Variants in MAPKAPK5 observed in about 807,000 individuals in gnomAD.
The protein encoded by MAPKAPK5 is MAPK activated protein kinase 5.
Under a neutral mutation model 65.1 loss-of-function variants are expected in MAPKAPK5, and 30 were observed. The ratio of observed to expected loss-of-function variants is 0.46; its 90% CI spans 0.34 to 0.63. MAPKAPK5 has a LOEUF of 0.63. MAPKAPK5 is among the 20% of genes least tolerant of loss of function. The probability of loss-of-function intolerance (pLI) is 0.01; values close to 1 mark genes in which losing one functional copy is unlikely to be tolerated. For missense variants in MAPKAPK5, 433 were observed against 581.4 expected, an observed-to-expected ratio of 0.74 and a Z score of 2.63; for synonymous variants, 179 against 204.6, an observed-to-expected ratio of 0.87 and a Z score of 1.07.
intron 1 of MAPKAPK5, 132 bp downstream of exon 1, chr12:111,842,901 G>C (rs2068764343): frequency 1.1e-6 from 1 of 912,554 alleles, no homozygotes; most frequent in South Asian, 5.5e-5. Flanking sequence ...CCCGGATTCC[G>C]TGGATCGCGC....
chr12:111,871,773 C>T (rs1049403720), intron 7 of MAPKAPK5, among the ~76,000 whole-genome samples: 1 of 152,218 alleles, frequency 6.6e-6, no homozygotes, highest in African/African-American at 2.4e-5. Context: ...CATATGGCGA[C>T]CACCACATTG....
At chr12:111,874,753 GC>G (rs34265356) in intron 7 of MAPKAPK5, among the ~76,000 whole-genome samples, 2 of 142,670 alleles carry the variant, frequency 1.4e-5, no homozygotes, top group South Asian at 2.2e-4. Flanking sequence ...GTGAGCCACT[GC>G]CCCCAGCCAT....
At chr12:111,871,251 A>G (rs2069773090) in intron 7 of MAPKAPK5, 71 bp downstream of exon 7, 10 of 1,265,788 alleles carry the variant, frequency 7.9e-6, no homozygotes, top group Admixed American at 5.4e-5. Flanking sequence ...CTTCTATTCT[A>G]CAGCACAAGT....
chr12:111,845,780 G>A (rs976653377), intron 1 of MAPKAPK5, among the ~76,000 whole-genome samples: 2 of 151,958 alleles, frequency 1.3e-5, no homozygotes, highest in African/African-American at 4.8e-5. Context: ...AAAATTAGCC[G>A]AGTGTGGTGG....
intron 8 of MAPKAPK5, among the ~76,000 whole-genome samples, chr12:111,882,184 T>C (rs2070257231): frequency 1.3e-5 from 2 of 152,042 alleles, no homozygotes; most frequent in African/African-American, 4.8e-5. Context: ...ATCGAGACCA[T>C]CCTGGCCACT....
chr12:111,893,690 C>T lies in MAPKAPK5; in HGVS notation c.*629C>T, dbSNP rs2070701789. On this transcript the variant is annotated 3_prime_UTR_variant, in exon 14 of 14. Coordinates refer to ENST00000550735, the MANE Select transcript of MAPKAPK5 (RefSeq NM_003668.4). ...GTACTGGTGTGTTTCTTAAATCTAA[C>T]AGGGTTTTCTTTTGGGTTTATTCTT... 1 of 150,992 alleles carries T rather than the reference C, an allele frequency of 6.6e-6. No individual in the cohort carries two copies. The highest frequency in any genetic ancestry group is 1.5e-5 in the Non-Finnish European group (1 of 67,898). 9.4% of individuals were successfully genotyped at this position (150,992 alleles called of 1,614,324 possible).
rs2071061472 is a variant in MAPKAPK5, at chr12:111,901,559, G to C, written c.*8498G>C. ...TAAAAAATCACCAGAGGCTGCCCCG[G>C]CAGAAGCTCCTCCAGCAGTGGCTCC... On this transcript the variant is annotated 3_prime_UTR_variant, in exon 14 of 14. Transcript: ENST00000550735. The C allele has an allele frequency of 3.0e-6, 1 of 334,960 alleles. No individual in the cohort carries two copies. The highest frequency in any genetic ancestry group is 5.9e-6 in the Non-Finnish European group (1 of 170,104). The allele number at this position is 334,960 out of a possible 1,614,324, so 20.7% of individuals were successfully genotyped here.
intron 7 of MAPKAPK5, chr12:111,880,070 A>G (rs11066059): frequency 0.011 from 2,996 of 270,020 alleles, 87 homozygotes; most frequent in African/African-American, 0.058. Context: ...CTAGACTGAC[A>G]TGACTGTCAT....
chr12:111,842,884 G>T (rs1384293975), intron 1 of MAPKAPK5, 115 bp downstream of exon 1: 16 of 1,048,038 alleles, frequency 1.5e-5, no homozygotes, highest in Non-Finnish European at 2.0e-5. Flanking sequence ...ACCGGGTTTC[G>T]GCCTCCCCCG....
intron 1 of MAPKAPK5, among the ~76,000 whole-genome samples, chr12:111,852,258 C>G (rs78792664): frequency 0.015 from 2,353 of 152,192 alleles, 72 homozygotes; most frequent in African/African-American, 0.054. Context: ...TGTAATGTTA[C>G]ACCAGATGTG....
At chr12:111,849,432 TTTTA>T (rs1285187606) in intron 1 of MAPKAPK5, among the ~76,000 whole-genome samples, 2 of 152,078 alleles carry the variant, frequency 1.3e-5, no homozygotes. Flanking sequence ...ATTTTTGTAT[TTTTA>T]GTAGAGACTA....
At chr12:111,861,234 AG>A (rs1248551315) in intron 1 of MAPKAPK5, among the ~76,000 whole-genome samples, 3 of 152,160 alleles carry the variant, frequency 2.0e-5, no homozygotes, top group Admixed American at 1.3e-4. Flanking sequence ...CTAGAGATAA[AG>A]GTAAGAATAG....
chr12:111,853,420 T>C (rs2069145969), intron 1 of MAPKAPK5, among the ~76,000 whole-genome samples: 1 of 152,146 alleles, frequency 6.6e-6, no homozygotes, highest in South Asian at 2.1e-4. Flanking sequence ...TTTGGATTGT[T>C]TGTCACTAGT....
rs1486016969 is a variant in MAPKAPK5, at chr12:111,871,177, C to G, written c.576C>G (p.Pro192=). Residue 192 remains proline (P), a synonymous_variant, in exon 7 of 14, where the codon CCC becomes CCG. Coordinates refer to ENST00000550735, the MANE Select transcript of MAPKAPK5 (RefSeq NM_003668.4). ...AGTTCACCCCTTATTATGTAGCACC[C>G]CAGGTAAGCATGTGCGGTTTCTGTC... is the stretch of plus-strand genomic sequence containing the variant. ...TPQFTPYYVA[P]QVLEAQRRHQ... is the part of the protein sequence containing the mutation. 1 of 1,613,100 alleles carries G rather than the reference C, an allele frequency of 6.2e-7. No homozygotes were observed. The highest frequency in any genetic ancestry group is 1.7e-5 in the Admixed American group (1 of 59,912).
intron 7 of MAPKAPK5, 34 bp downstream of exon 7, chr12:111,871,214 C>A: frequency 6.4e-7 from 1 of 1,555,328 alleles, no homozygotes; most frequent in Non-Finnish European, 8.9e-7. Flanking sequence ...TAAGATCTGT[C>A]ACCAAGCTGC....
chr12:111,883,688 A>G lies in MAPKAPK5; in HGVS notation c.768A>G (p.Arg256=), dbSNP rs1276454895. ...GGACTATCCCAAAGGATATGCGAAG[A>G]AAGATCATGACAGGCAGTTTTGAGT... ...HSRTIPKDMR[R]KIMTGSFEFP... is the part of the protein sequence containing the mutation. The change falls in exon 9 of 14, where the codon AGA becomes AGG. Residue 256 remains arginine, a synonymous_variant. Coordinates refer to ENST00000550735, the MANE Select transcript of MAPKAPK5 (RefSeq NM_003668.4). The surrounding 1 kb of genome is among the most constrained non-coding windows in gnomAD (Gnocchi z 4.8). 2 of 1,614,006 alleles carry G rather than the reference A, an allele frequency of 1.2e-6. No homozygotes were observed. Among genetic ancestry groups the G allele is most frequent in the Admixed American group, 3.3e-5 (2 of 60,032 alleles).
chr12:111,881,960 T>C (rs1224979989), intron 8 of MAPKAPK5, among the ~76,000 whole-genome samples: 1 of 152,212 alleles, frequency 6.6e-6, no homozygotes, highest in Non-Finnish European at 1.5e-5. Context: ...ACATGATCTC[T>C]GCAGTATTAG....
At chr12:111,852,816 C>A (rs937403684) in intron 1 of MAPKAPK5, among the ~76,000 whole-genome samples, 25 of 152,102 alleles carry the variant, frequency 1.6e-4, no homozygotes, top group African/African-American at 5.3e-4. Flanking sequence ...CTCTGTCTCG[C>A]AGGCTTAAGT....
chr12:111,862,481 A>G (rs1397482739), intron 1 of MAPKAPK5, among the ~76,000 whole-genome samples: 3 of 152,258 alleles, frequency 2.0e-5, no homozygotes, highest in African/African-American at 7.2e-5. Flanking sequence ...TGGGCGGATC[A>G]CCTGAGGTCA....
Sources: gnomAD v4.1 joint callset for allele counts (sites outside exome capture counted in the v4.1 genomes callset) on GRCh38, gnomAD v4.1.1 for gene constraint, Gnocchi (gnomAD v3.1) non-coding constraint, MANE v1.5 for transcripts, NCBI Gene and HGNC (gene_info 2026-07-23, HGNC 2026-07-21) for gene names.